PCDHA1: variants seen among roughly 807,000 people sequenced by gnomAD.
PCDHA1 encodes protocadherin alpha-1.
A neutral mutation model predicts 61.3 loss-of-function variants in PCDHA1; 42 were observed. The observed-to-expected ratio is 0.69, with a 90% CI of 0.54 to 0.89. PCDHA1 has a LOEUF of 0.89. PCDHA1 is among the 40% of genes least tolerant of loss of function. The pLI is 0.00. For missense variants in PCDHA1, 1,256 were observed against 1,235.3 expected, an observed-to-expected ratio of 1.02 and a Z score of -0.25; for synonymous variants, 610 against 553.8, an observed-to-expected ratio of 1.10 and a Z score of -1.43.
At position 140,858,007 on chromosome 5, in the gene PCDHA1, T is replaced by A. The variant is rs1383838363; in HGVS notation, c.2394+69323T>A. The stretch of plus-strand genomic sequence containing the variant: ...GCCTACTGGTGCTGGTGAAGGACCA[T>A]GGCGAGCCGTCGCTGACGGCCACGG... On this transcript the variant is annotated intron_variant, in intron 1 of 3. Coordinates refer to ENST00000504120, the MANE Select transcript of PCDHA1 (RefSeq NM_018900.4). The A allele has an allele frequency of 8.8e-6, 14 of 1,596,616 alleles. 1 individual carries two copies. Among genetic ancestry groups the A allele is most frequent in the Non-Finnish European group, 1.1e-5 (13 of 1,167,062 alleles).
chr5:140,809,057 G>A, intron 1 of PCDHA1: 2 of 1,613,888 alleles, frequency 1.2e-6, no homozygotes, highest in East Asian at 4.5e-5. Flanking sequence ...CCCGTTCCGC[G>A]TGGGGCTGTA....
chr5:140,828,576 T>C, intron 1 of PCDHA1: 3 of 1,614,230 alleles, frequency 1.9e-6, no homozygotes, highest in Admixed American at 1.7e-5. Context: ...GATGCAGATG[T>C]TGGCTCAAAT....
At chr5:140,870,622 G>C (rs377101052) in intron 1 of PCDHA1, 4 of 1,613,124 alleles carry the variant, frequency 2.5e-6, no homozygotes, top group Non-Finnish European at 3.4e-6. Flanking sequence ...GTCGAGCTAC[G>C]TGTCGGTGCA....
chr5:140,856,566 C>A, intron 1 of PCDHA1: 2 of 1,597,240 alleles, frequency 1.3e-6, no homozygotes, highest in Non-Finnish European at 1.7e-6. Flanking sequence ...AAACTCAGTC[C>A]AAATGAGTAT....
At chr5:140,796,880 A>G (rs374885355) in intron 1 of PCDHA1, 2 of 1,613,862 alleles carry the variant, frequency 1.2e-6, no homozygotes, top group African/African-American at 2.7e-5. Context: ...GCCCTAGACG[A>G]GGCTGACTCC....
At position 140,835,620 on chromosome 5, in the gene PCDHA1, C is replaced by G; in HGVS notation, c.2394+46936C>G. 3.7e-6 allele frequency: 6 copies of G among 1,613,942 alleles called. No homozygotes were observed. The South Asian group carries it at 5.5e-5, about 15-fold the overall frequency. On this transcript the variant is annotated intron_variant, in intron 1 of 3. Transcript: ENST00000504120. Reference sequence around the variant, plus strand: ...CTATTCATTGGTGCTGGACAGCGCTCTGGACCGCGAGAGTGTGTCCGCCTA... The same window carrying G: ...CTATTCATTGGTGCTGGACAGCGCTGTGGACCGCGAGAGTGTGTCCGCCTA...
At chr5:140,876,970 G>A in intron 1 of PCDHA1, 4 of 1,612,850 alleles carry the variant, frequency 2.5e-6, no homozygotes, top group Non-Finnish European at 3.4e-6. Flanking sequence ...GCGGCGGGTG[G>A]GCGAGCACGC....
chr5:140,967,156 G>T, intron 1 of PCDHA1: 1 of 1,610,540 alleles, frequency 6.2e-7, no homozygotes, highest in Non-Finnish European at 8.5e-7. Context: ...ACCCCGTGGC[G>T]GTGAGCGCCG....
chr5:140,830,137 G>A (rs2150181719), intron 1 of PCDHA1: 44 of 1,613,174 alleles, frequency 2.7e-5, no homozygotes, highest in African/African-American at 1.2e-4. Flanking sequence ...CATCACGGGC[G>A]TCGGTGGGCG....
intron 1 of PCDHA1, among the ~76,000 whole-genome samples, chr5:140,978,620 G>A (rs2096812690): frequency 6.6e-6 from 1 of 152,220 alleles, no homozygotes; most frequent in South Asian, 2.1e-4. Context: ...AGCAGTGAAA[G>A]CTTTTCCTTT....
At chr5:140,962,772 T>C (rs1039768584) in intron 1 of PCDHA1, among the ~76,000 whole-genome samples, 2 of 152,336 alleles carry the variant, frequency 1.3e-5, no homozygotes, top group Admixed American at 1.3e-4. Context: ...TTTAACAAGA[T>C]GGAATTTTTA....
intron 1 of PCDHA1, chr5:140,803,426 C>G (rs782209415): frequency 6.2e-7 from 1 of 1,614,198 alleles, no homozygotes; most frequent in Non-Finnish European, 8.5e-7. Context: ...TGTGCTCCAG[C>G]GCGGTGGGGA....
At chr5:140,803,853 C>T (rs1044553509) in intron 1 of PCDHA1, 9 of 590,676 alleles carry the variant, frequency 1.5e-5, no homozygotes, top group Middle Eastern at 4.4e-4. Context: ...TTGCTAAATG[C>T]CTGGGTATAA....
At position 140,829,859 on chromosome 5, in the gene PCDHA1, G is replaced by A. The variant is rs2150176388; in HGVS notation, c.2394+41175G>A. ...GCCGCGGTCACTGGGTGCAGGCCAAGTGGTGGCGAAGGTGCGCGCAGTTGA... is the reference window on the plus strand; with the variant it reads ...GCCGCGGTCACTGGGTGCAGGCCAAATGGTGGCGAAGGTGCGCGCAGTTGA... On this transcript the variant is annotated intron_variant, in intron 1 of 3. Coordinates refer to ENST00000504120, the MANE Select transcript of PCDHA1 (RefSeq NM_018900.4). 2.5e-6 allele frequency: 4 copies of A among 1,613,860 alleles called. No individual in the cohort carries two copies. In the African/African-American group the frequency reaches 4.0e-5, roughly 16 times the overall value.
chr5:140,817,968 T>C (rs2150099718), intron 1 of PCDHA1, among the ~76,000 whole-genome samples: 7 of 152,340 alleles, frequency 4.6e-5, no homozygotes, highest in Non-Finnish European at 8.8e-5. Context: ...GTGTCTTTTT[T>C]TCTGTCTAGC....
At chr5:140,846,369 CTTTCTTTT>C (rs1383135260) in intron 1 of PCDHA1, among the ~76,000 whole-genome samples, 4 of 102,192 alleles carry the variant, frequency 3.9e-5, no homozygotes, top group Admixed American at 2.1e-4. Context: ...TCTTTTCTTT[CTTTCTTTT>C]TTTTTTTTTT....
Position 140,858,605 on chromosome 5 carries a change from T to A in PCDHA1, c.2394+69921T>A, listed in dbSNP as rs553423419. On this transcript the variant is annotated intron_variant, in intron 1 of 3. Coordinates refer to ENST00000504120, the MANE Select transcript of PCDHA1 (RefSeq NM_018900.4). ...ATAATTTATTCCAGGAGTTTTAAAA[T>A]TTTTTTATCCTACCCAGTGTGTCAG... 1.7e-5 allele frequency: 21 copies of A among 1,265,750 alleles called. 2 individuals are homozygous for A. Among genetic ancestry groups the A allele is most frequent in the African/African-American group, 1.5e-4 (10 of 66,840 alleles). 78.4% of individuals were successfully genotyped at this position (1,265,750 alleles called of 1,614,324 possible).
intron 1 of PCDHA1, among the ~76,000 whole-genome samples, chr5:140,793,373 C>T (rs1761769293): frequency 6.6e-6 from 1 of 152,032 alleles, no homozygotes; most frequent in Admixed American, 6.5e-5. Flanking sequence ...TTGCTTAAAT[C>T]GGTTAACTTG....
intron 1 of PCDHA1, chr5:140,806,877 T>C (rs142459590): frequency 0.01 from 4,278 of 408,060 alleles, 28 homozygotes; most frequent in Non-Finnish European, 0.013. Context: ...ACCACAGTAG[T>C]ACAAAATGTA....
Sources: gnomAD v4.1 joint callset for allele counts (sites outside exome capture counted in the v4.1 genomes callset) on GRCh38, gnomAD v4.1.1 for gene constraint, MANE v1.5 for transcripts, NCBI Gene and HGNC (gene_info 2026-07-23, HGNC 2026-07-21) for gene names.